The following NLGN4X variants were observed in gnomAD, a reference collection of about 807,000 sequenced individuals.
The protein encoded by NLGN4X is neuroligin-4, X-linked.
In NLGN4X, 3 loss-of-function variants were observed where a neutral mutation model predicts 40.3. The observed-to-expected ratio is 0.07, with a 90% CI of 0.03 to 0.19. NLGN4X has a LOEUF of 0.19. NLGN4X is among the 10% of genes least tolerant of loss of function. The probability of loss-of-function intolerance (pLI) is 1.00; values close to 1 mark genes in which losing one functional copy is unlikely to be tolerated. For missense variants in NLGN4X, 382 were observed against 708.3 expected (o/e 0.54, Z 5.23); for synonymous variants, 270 against 306.8 (o/e 0.88, Z 1.25).
intron 1 of NLGN4X, among the ~76,000 whole-genome samples, chrX:6,172,159 A>G (rs1314297929): frequency 9.0e-6 from 1 of 111,682 alleles, no homozygotes; most frequent in African/African-American, 3.3e-5. Context: ...TATCAATGCA[A>G]GAACGGCCTA....
chrX:6,065,483 G>A (rs1476058545), intron 2 of NLGN4X, among the ~76,000 whole-genome samples: 1 of 110,926 alleles, frequency 9.0e-6, no homozygotes, highest in Admixed American at 9.6e-5. Context: ...AGGAAATATA[G>A]CAAAAAGGAA....
chrX:6,093,135 A>G (rs746072980), intron 2 of NLGN4X, among the ~76,000 whole-genome samples: 1 of 112,173 alleles, frequency 8.9e-6, no homozygotes, highest in African/African-American at 3.2e-5. Flanking sequence ...CTTGCCAAAG[A>G]CAACCTGTGC....
chrX:6,008,911 A>G (rs1327214951), intron 3 of NLGN4X, among the ~76,000 whole-genome samples: 1 of 112,000 alleles, frequency 8.9e-6, no homozygotes, highest in Non-Finnish European at 1.9e-5. Context: ...TGACAACTCT[A>G]CGTACCTCAT....
At chrX:6,008,792 C>T (rs1460139352) in intron 3 of NLGN4X, among the ~76,000 whole-genome samples, 1 of 111,816 alleles carries the variant, frequency 8.9e-6, no homozygotes, top group Non-Finnish European at 1.9e-5. Context: ...ATCTTCAGAA[C>T]ATTTTGTACC....
chrX:5,896,578 A>G (rs932748585), intron 5 of NLGN4X, among the ~76,000 whole-genome samples: 1 of 112,228 alleles, frequency 8.9e-6, no homozygotes, highest in Non-Finnish European at 1.9e-5. Context: ...CCCAGCACCT[A>G]ACACAGCCAT....
At chrX:6,204,347 C>A (rs139390822) in intron 1 of NLGN4X, among the ~76,000 whole-genome samples, 2 of 111,815 alleles carry the variant, frequency 1.8e-5, no homozygotes, top group African/African-American at 3.2e-5. Flanking sequence ...ATGCCCAGCA[C>A]GTCAATGAGT....
At chrX:6,162,944 G>A (rs768366888) in intron 1 of NLGN4X, among the ~76,000 whole-genome samples, 61 of 111,817 alleles carry the variant, frequency 5.5e-4, no homozygotes, top group African/African-American at 1.5e-3. Flanking sequence ...TAATTCCCAC[G>A]TATAGGGAGA....
chrX:6,169,088 G>A (rs773054034), intron 1 of NLGN4X, among the ~76,000 whole-genome samples: 2 of 111,588 alleles, frequency 1.8e-5, no homozygotes, highest in South Asian at 7.6e-4. Context: ...CAGAGGGAGG[G>A]TCCCCCAAGG....
intron 3 of NLGN4X, among the ~76,000 whole-genome samples, chrX:5,998,175 C>T (rs1423737143): frequency 1.8e-5 from 2 of 110,528 alleles, no homozygotes; most frequent in Admixed American, 9.7e-5. Context: ...TTTGGGAGGC[C>T]GAGGCGGGTG....
At chrX:5,968,494 T>C (rs1399537688) in intron 3 of NLGN4X, among the ~76,000 whole-genome samples, 1 of 85,516 alleles carries the variant, frequency 1.2e-5, no homozygotes, top group Non-Finnish European at 2.3e-5. Flanking sequence ...TGTGTGTGTG[T>C]GTGTGTGTGT....
rs182678254 is a variant in NLGN4X, at chrX:6,037,717, T to C, written c.473-8285A>G. On this transcript the variant is annotated intron_variant, in intron 2 of 5. Transcript: ENST00000381095. ...AGAGAAAGAGACTTTTTAAGCTAAG[T>C]ACATTATTTCCACACAGGGAAAGTT... is the stretch of plus-strand genomic sequence containing the variant. Among the ~76,000 whole-genome samples the C allele has an allele frequency of 1.5e-4, 14 of 93,834 alleles. No individual in the cohort carries two copies. In the East Asian group the frequency reaches 4.7e-3, roughly 31 times the overall value. The allele number at this position is 93,834 out of a possible 115,157, so 81.5% of individuals were successfully genotyped here.
chrX:6,162,376 G>A (rs776121701), intron 1 of NLGN4X, among the ~76,000 whole-genome samples: 5 of 111,840 alleles, frequency 4.5e-5, no homozygotes, highest in Admixed American at 9.5e-5. Flanking sequence ...ATTAATATTT[G>A]AGTCAGAGGG....
intron 3 of NLGN4X, among the ~76,000 whole-genome samples, chrX:6,012,498 A>G (rs1345435899): frequency 8.9e-6 from 1 of 111,846 alleles, no homozygotes; most frequent in Non-Finnish European, 1.9e-5. Flanking sequence ...AAATATCTGA[A>G]ACACCTATAT....
intron 2 of NLGN4X, among the ~76,000 whole-genome samples, chrX:6,125,015 C>T (rs1193284843): frequency 8.9e-6 from 1 of 112,083 alleles, no homozygotes; most frequent in African/African-American, 3.2e-5. Flanking sequence ...TACACACACA[C>T]ATCTATGTGT....
intron 2 of NLGN4X, among the ~76,000 whole-genome samples, chrX:6,097,846 T>C (rs1296172680): frequency 1.8e-5 from 2 of 110,918 alleles, no homozygotes; most frequent in Admixed American, 9.6e-5. Context: ...CCTTTACAGC[T>C]ACAACATTAA....
In NLGN4X at chrX:5,941,183, GTGTGT is replaced by G. The variant is rs2033929343; in HGVS notation, c.626-31949_626-31945del. 2.1e-4 allele frequency among the ~76,000 whole-genome samples: 5 copies of G among 23,853 alleles called. No homozygotes were observed. In the East Asian group the frequency reaches 8.2e-3, roughly 39 times the overall value. 20.7% of individuals were successfully genotyped at this position (23,853 alleles called of 115,157 possible). On this transcript the variant is annotated intron_variant, in intron 3 of 5. Transcript: ENST00000381095. The stretch of plus-strand genomic sequence containing the variant: ...TGTTCTGGATCGTATGCTAGGGGGT[GTGTGT>G]GTGTGTGTGTGTGTGTGTGTGTGTG...
At chrX:6,149,486 T>C (rs2040120010) in intron 2 of NLGN4X, among the ~76,000 whole-genome samples, 1 of 111,900 alleles carries the variant, frequency 8.9e-6, no homozygotes, top group South Asian at 3.7e-4. Context: ...CCCAGGTGGC[T>C]GCTCAAATGA....
intron 2 of NLGN4X, among the ~76,000 whole-genome samples, chrX:6,095,107 G>A (rs1322414895): frequency 4.0e-4 from 2 of 5,049 alleles, no homozygotes; most frequent in Non-Finnish European, 1.3e-3. Flanking sequence ...GCGTGCGTGT[G>A]TGTGTGTGTG....
Position 5,891,471 on chromosome X carries a change from G to C in NLGN4X, c.*1346C>G. 3.8e-6 allele frequency: 1 copy of C among 264,272 alleles called. No individual in the cohort carries two copies. The highest frequency in any genetic ancestry group is 3.9e-5 in the South Asian group (1 of 25,532). The allele number at this position is 264,272 out of a possible 1,213,427, so 21.8% of individuals were successfully genotyped here. On this transcript the variant is annotated 3_prime_UTR_variant, in exon 6 of 6. Transcript: ENST00000381095. ...ACCGAGTGCTTAAACAAAAAGGAAA[G>C]ACACATGTCTTCCTTCAATCTGATT...
Sources: allele counts gnomAD v4.1 joint callset (sites outside exome capture counted in the v4.1 genomes callset), GRCh38; gene constraint gnomAD v4.1.1; transcripts MANE v1.5; gene names NCBI Gene and HGNC (gene_info 2026-07-23, HGNC 2026-07-21).